Variants in BRCA1 observed in about 807,000 individuals in gnomAD.
The protein encoded by BRCA1 is BRCA1 DNA repair associated.
Under a neutral mutation model 173.7 loss-of-function variants are expected in BRCA1, and 140 were observed. That is an observed-to-expected ratio of 0.81 (90% CI 0.70 to 0.93). The LOEUF is 0.93. Among genes scored for constraint, BRCA1 ranks in the 40% least tolerant of loss-of-function variants. The pLI, the probability that BRCA1 is intolerant of heterozygous loss-of-function variation, is 0.00. For synonymous variants in BRCA1, 662 were observed against 756.0 expected (o/e 0.88, Z 2.04); for missense variants, 1,983 against 2,172.5 (o/e 0.91, Z 1.73).
chr17:43,107,383 T>A (rs1392961474), intron 3 of BRCA1, among the ~76,000 whole-genome samples: 10 of 128,798 alleles, frequency 7.8e-5, no homozygotes, highest in South Asian at 2.6e-4. Flanking sequence ...ATTTTCTTAA[T>A]TTTTTTTTTT....
intron 20 of BRCA1, chr17:43,050,230 C>G (rs557522467): frequency 2.5e-6 from 1 of 397,284 alleles, no homozygotes; most frequent in African/African-American, 2.1e-5. Context: ...CACACCAAGG[C>G]CTTTGTGCTG....
intron 19 of BRCA1, among the ~76,000 whole-genome samples, chr17:43,052,151 C>T (rs2051268417): frequency 6.6e-6 from 1 of 152,142 alleles, no homozygotes; most frequent in South Asian, 2.1e-4. Context: ...CAACACTGTT[C>T]AAAACAACTT....
At position 43,093,229 on chromosome 17, in the gene BRCA1, T is replaced by G. The variant is rs398122656; in HGVS notation, c.2302A>C (p.Ser768Arg). 1 of 1,614,086 alleles carries G rather than the reference T, an allele frequency of 6.2e-7. No homozygotes were observed. Among genetic ancestry groups the G allele is most frequent in the Non-Finnish European group, 8.5e-7 (1 of 1,179,972 alleles). The part of the protein sequence containing the change: ...LQTERSVESS[S>R]ISLVPGTDYG... ...TCAGTACCAGGTACCAATGAAATAC[T>G]GCTACTCTCTACAGATCTTTCAGTT... The change falls in exon 10 of 23, where the codon AGT becomes CGT. Residue 768 changes from serine (S) to arginine (R), a missense_variant. By Grantham distance (110) the Ser-to-Arg change is moderately radical (BLOSUM62 -1). Coordinates refer to ENST00000357654, the MANE Select transcript of BRCA1 (RefSeq NM_007294.4).
chr17:43,100,617 TAAC>T lies in BRCA1; in HGVS notation c.442-740_442-738del, dbSNP rs538378944. Among the ~76,000 whole-genome samples the T allele has an allele frequency of 0.061, 4,623 of 76,250 alleles. 604 individuals carry two copies. Among genetic ancestry groups the T allele is most frequent in the South Asian group, 0.15 (312 of 2,046 alleles). 50.0% of individuals were successfully genotyped at this position (76,250 alleles called of 152,430 possible). ...ATATTATATATATATAACATATATATAACATATATATATGTTATATATATATAA... is the reference window on the plus strand; with the variant it reads ...ATATTATATATATATAACATATATATATATATATATGTTATATATATATAA... On this transcript the variant is annotated intron_variant, in intron 6 of 22. Coordinates refer to ENST00000357654, the MANE Select transcript of BRCA1 (RefSeq NM_007294.4).
At chr17:43,160,773 A>G (rs1213346365) in intron 1 of BRCA1, 1 of 152,056 alleles carries the variant, frequency 6.6e-6, no homozygotes, top group Non-Finnish European at 1.5e-5. Flanking sequence ...CATGTTTACT[A>G]CCCATGTCTT....
chr17:43,170,062 G>C, intron 1 of BRCA1: 1 of 390,686 alleles, frequency 2.6e-6, no homozygotes, highest in South Asian at 2.0e-5. Flanking sequence ...CAGGCAAGCT[G>C]GGAGACGGAG....
intron 3 of BRCA1, chr17:43,112,648 CAT>C (rs1375700479): frequency 2.7e-5 from 4 of 147,052 alleles, no homozygotes; most frequent in Middle Eastern, 3.2e-3. Context: ...CACACACACA[CAT>C]ATATATAACA....
chr17:43,106,201 C>T (rs534041585), intron 4 of BRCA1, among the ~76,000 whole-genome samples: 78 of 151,674 alleles, frequency 5.1e-4, no homozygotes, highest in Non-Finnish European at 9.1e-4. Context: ...GGCGATACAG[C>T]CCTACTTTAC....
intron 21 of BRCA1, 40 bp downstream of exon 21, chr17:43,049,081 T>C (rs1464941547): frequency 2.5e-6 from 4 of 1,582,144 alleles, no homozygotes; most frequent in Admixed American, 3.3e-5. Flanking sequence ...CAGGAGAGAA[T>C]ATTGTGTCCT....
chr17:43,137,634 ACTTTGGG>A lies in BRCA1; in HGVS notation c.-19-13526_-19-13520del, dbSNP rs772684371. Among the ~76,000 whole-genome samples, 28 of 152,190 alleles carry A rather than the reference ACTTTGGG, an allele frequency of 1.8e-4. 2 individuals are homozygous for A. In the East Asian group the frequency reaches 5.4e-3, roughly 29 times the overall value. On this transcript the variant is annotated intron_variant, in intron 1 of 7. Coordinates refer to the BRCA1 transcript ENST00000634433. The stretch of plus-strand genomic sequence containing the variant: ...AGTGGCTCATGCCTTTAATCCCAGC[ACTTTGGG>A]AGGTCAAGGTGAGCGGATCACTTGA...
intron 11 of BRCA1, among the ~76,000 whole-genome samples, chr17:43,086,147 CAG>C (rs1491320693): frequency 1.3e-5 from 2 of 151,164 alleles, no homozygotes; most frequent in African/African-American, 4.9e-5. Flanking sequence ...CACACACACA[CAG>C]AAGTCCCCAC....
Position 43,092,550 on chromosome 17 carries a change from C to T in BRCA1, c.2981G>A (p.Cys994Tyr), listed in dbSNP as rs1238452758. Residue 994 changes from cysteine to tyrosine, a missense_variant, in exon 10 of 23, where the codon TGT becomes TAT. By Grantham distance (194) the Cys-to-Tyr change is radical. Coordinates refer to ENST00000357654, the MANE Select transcript of BRCA1 (RefSeq NM_007294.4). ...GTTTTCCTCTAGCAGATTTTTCTTA[C>T]ATTTAGTTTTAACAAATGACTTGAT... ...FPIKSFVKTK[C>Y]KKNLLEENFE... 2 of 1,613,880 alleles carry T rather than the reference C, an allele frequency of 1.2e-6. No homozygotes were observed. The highest frequency in any genetic ancestry group is 3.3e-5 in the Admixed American group (2 of 59,980).
intron 2 of BRCA1, among the ~76,000 whole-genome samples, chr17:43,122,384 G>C (rs543578116): frequency 1.5e-4 from 23 of 152,276 alleles, no homozygotes; most frequent in African/African-American, 5.5e-4. Flanking sequence ...TAGGTCCCAA[G>C]TACCGTTCTA....
intron 18 of BRCA1, among the ~76,000 whole-genome samples, chr17:43,059,349 A>T (rs1408022723): frequency 1.3e-5 from 2 of 152,146 alleles, no homozygotes; most frequent in Non-Finnish European, 2.9e-5. Flanking sequence ...CTGTAATCCC[A>T]GCTACTCGGG....
At chr17:43,100,686 T>TAACATATATATATATATATAAA (rs1567807839) in intron 6 of BRCA1, among the ~76,000 whole-genome samples, 2 of 17,420 alleles carry the variant, frequency 1.1e-4, no homozygotes, top group African/African-American at 2.2e-4. Context: ...ATAATATATA[T>TAACATATATATATATATATAAA]ATATATATAT....
At position 43,093,103 on chromosome 17, in the gene BRCA1, T is replaced by A. The variant is rs28897682; in HGVS notation, c.2428A>T (p.Asn810Tyr). The A allele has an allele frequency of 1.2e-4, 189 of 1,613,522 alleles. No individual in the cohort carries two copies. Among genetic ancestry groups the A allele is most frequent in the Non-Finnish European group, 1.4e-4 (171 of 1,179,980 alleles). The change falls in exon 10 of 23, where the codon AAC becomes TAC. Residue 810 changes from asparagine to tyrosine, a missense_variant. Physicochemically the swap from Asn to Tyr is moderately radical, Grantham distance 143. Transcript: ENST00000357654. ...KCVSQCAAFE[N>Y]PKGLIHGCSK... is the part of the protein sequence containing the mutation. ...CAACCATGAATTAGTCCCTTGGGGT[T>A]TTCAAATGCTGCACACTGACTCACA...
chr17:43,123,899 A>C, intron 2 of BRCA1, 118 bp downstream of exon 2: 1 of 804,826 alleles, frequency 1.2e-6, no homozygotes, highest in Non-Finnish European at 2.1e-6. Context: ...CAGCAATTAC[A>C]ATAGCCTAAT....
In BRCA1 at chr17:43,092,760, TTAAC is replaced by T. The variant is rs80357661; in HGVS notation, c.2767_2770del (p.Val923IlefsTer76). ...AACCACAGGAAAGCCTGCAGTGATA[TTAAC>T]TGTCTGTACAGGCTTGATATTAGAC... On this transcript the variant is annotated frameshift_variant, in exon 10 of 23. Coordinates refer to ENST00000357654, the MANE Select transcript of BRCA1 (RefSeq NM_007294.4). LOFTEE classifies it high-confidence loss of function. 6.2e-7 allele frequency: 1 copy of T among 1,613,972 alleles called. No homozygotes were observed. Among genetic ancestry groups the T allele is most frequent in the Non-Finnish European group, 8.5e-7 (1 of 1,179,994 alleles).
At chr17:43,157,538 A>T (rs1209028943) in intron 1 of BRCA1, among the ~76,000 whole-genome samples, 2 of 151,734 alleles carry the variant, frequency 1.3e-5, no homozygotes, top group East Asian at 3.9e-4. Flanking sequence ...CTCTACTAAG[A>T]ATACAAAATT....
Sources: allele counts gnomAD v4.1 joint callset (sites outside exome capture counted in the v4.1 genomes callset), GRCh38; gene constraint gnomAD v4.1.1; transcripts MANE v1.5; gene names NCBI Gene and HGNC (gene_info 2026-07-23, HGNC 2026-07-21).